CC2D1B: variants seen among roughly 807,000 people sequenced by gnomAD.
The protein encoded by CC2D1B is coiled-coil and C2 domain-containing protein 1B.
CC2D1B carries 92 observed loss-of-function variants against 110.8 expected under a neutral mutation model. The observed-to-expected ratio is 0.83, with a 90% CI of 0.70 to 0.99. CC2D1B has a LOEUF of 0.99. Among genes scored for constraint, CC2D1B ranks in the 50% least tolerant of loss-of-function variants. CC2D1B has a pLI of 0.00. For missense variants in CC2D1B, 1,136 were observed against 1,089.0 expected (o/e 1.04, Z -0.61); for synonymous variants, 406 against 429.2 (o/e 0.95, Z 0.67).
chr1:52,358,995 C>T lies in CC2D1B; in HGVS notation c.1257+32G>A, dbSNP rs777548817. On this transcript the variant is annotated intron_variant, in intron 11 of 24. Transcript: ENST00000284376. Reference sequence around the variant, plus strand: ...AGCACCCAGCCAGGGAAGAGGCCAGCACAGGCAGGGGCTGCATAGCCGCGG... The same window carrying T: ...AGCACCCAGCCAGGGAAGAGGCCAGTACAGGCAGGGGCTGCATAGCCGCGG... 12 of 1,598,938 alleles carry T rather than the reference C, an allele frequency of 7.5e-6. No individual in the cohort carries two copies. In the South Asian group the frequency reaches 1.3e-4, roughly 18 times the overall value.
chr1:52,361,428 AC>A, intron 4 of CC2D1B, 84 bp downstream of exon 4: 11 of 1,584,846 alleles, frequency 6.9e-6, no homozygotes, highest in Non-Finnish European at 6.9e-6. Context: ...ATACAGGGGC[AC>A]CCCCAGCCTC....
intron 4 of CC2D1B, 134 bp from the exon 5 acceptor site, chr1:52,361,266 A>C: frequency 7.2e-6 from 9 of 1,250,504 alleles, no homozygotes; most frequent in Non-Finnish European, 1.0e-5. Flanking sequence ...CCCTTCACCA[A>C]AACATTTCTT....
chr1:52,353,341 C>A, intron 24 of CC2D1B, 118 bp from the exon 25 acceptor site: 2 of 1,488,136 alleles, frequency 1.3e-6, no homozygotes, highest in East Asian at 2.4e-5. Context: ...TGGAAGGTTA[C>A]CTTCTCTTCC....
rs1223969950 is a variant in CC2D1B, at chr1:52,354,824, C to T, written c.2339+16G>A. On this transcript the variant is annotated intron_variant, in intron 22 of 24. Coordinates refer to ENST00000284376, the MANE Select transcript of CC2D1B (RefSeq NM_001330585.2). ...CCTCCCGGCCCGTGTGGCAGCATGACCGATAGGAGCCTCACCCTTTGTGGA... is the reference window on the plus strand; with the variant it reads ...CCTCCCGGCCCGTGTGGCAGCATGATCGATAGGAGCCTCACCCTTTGTGGA... 2 of 1,612,450 alleles carry T rather than the reference C, an allele frequency of 1.2e-6. No individual in the cohort carries two copies. Among genetic ancestry groups the T allele is most frequent in the South Asian group, 2.2e-5 (2 of 91,046 alleles).
In CC2D1B at chr1:52,355,599, G is replaced by C; in HGVS notation, c.2187+9C>G. 6.2e-7 allele frequency: 1 copy of C among 1,614,086 alleles called. No individual in the cohort carries two copies. Among genetic ancestry groups the C allele is most frequent in the South Asian group, 1.1e-5 (1 of 91,078 alleles). On this transcript the variant is annotated intron_variant, in intron 20 of 24. Coordinates refer to ENST00000284376, the MANE Select transcript of CC2D1B (RefSeq NM_001330585.2). ...GTTTCAGAGGATCCTACTTCTACCT[G>C]AACCTCACCGAGTTAGGGTAGTGAA...
At position 52,359,544 on chromosome 1, in the gene CC2D1B, T is replaced by C. The variant is rs376245571; in HGVS notation, c.943-10A>G. On this transcript the variant is annotated splice_polypyrimidine_tract_variant and intron_variant, in intron 8 of 24. Transcript: ENST00000284376. Reference sequence around the variant, plus strand: ...GGACAGCACCGAATCTCTGCAGAAGTTGGAAAAGCAGGTGTGGGTGAAAGA... The same window carrying C: ...GGACAGCACCGAATCTCTGCAGAAGCTGGAAAAGCAGGTGTGGGTGAAAGA... The C allele has an allele frequency of 8.1e-6, 13 of 1,612,824 alleles. No homozygotes were observed. Among genetic ancestry groups the C allele is most frequent in the East Asian group, 2.2e-5 (1 of 44,862 alleles).
Position 52,359,267 on chromosome 1 carries a change from T to C in CC2D1B, c.1109A>G (p.Asp370Gly), listed in dbSNP as rs1646725337. 1.2e-6 allele frequency: 2 copies of C among 1,612,588 alleles called. No homozygotes were observed. Among genetic ancestry groups the C allele is most frequent in the African/African-American group, 1.3e-5 (1 of 74,894 alleles). Residue 370 changes from aspartate (D) to glycine (G), a missense_variant, in exon 10 of 25, where the codon GAC becomes GGC. By Grantham distance (94) the Asp-to-Gly change is moderately conservative. Transcript: ENST00000284376. ...VERVQPVMAP[D>G]VPATPVAPTE... ...TGCCCTACCTGGGGTTGCTGGGACG[T>C]CAGGGGCCATCACTGGCTGCACTCG... is the stretch of plus-strand genomic sequence containing the variant.
rs1414138570 is a variant in CC2D1B, at chr1:52,353,086, T to A, written c.*139A>T. ...CAGGAAAGACCAGAGTCGTGGTCAG[T>A]AGTGCACATGCTTAACAGGTCTTTG... On this transcript the variant is annotated 3_prime_UTR_variant, in exon 25 of 25. Transcript: ENST00000284376. 1 of 811,638 alleles carries A rather than the reference T, an allele frequency of 1.2e-6. No homozygotes were observed. Among genetic ancestry groups the A allele is most frequent in the African/African-American group, 1.8e-5 (1 of 56,222 alleles). The allele number at this position is 811,638 out of a possible 1,614,324, so 50.3% of individuals were successfully genotyped here. A position where few individuals can be genotyped will look rare whatever the true frequency, so the allele number is the denominator to read the frequency against.
chr1:52,357,025 T>C lies in CC2D1B; in HGVS notation c.1854A>G (p.Gln618=). 1 of 1,568,622 alleles carries C rather than the reference T, an allele frequency of 6.4e-7. No homozygotes were observed. The highest frequency in any genetic ancestry group is 8.6e-7 in the Non-Finnish European group (1 of 1,156,122). Residue 618 remains glutamine, a synonymous_variant, in exon 16 of 25, where the codon CAA becomes CAG. Coordinates refer to ENST00000284376, the MANE Select transcript of CC2D1B (RefSeq NM_001330585.2). ...CCTCTTGTTGCTCCAGAAGCATTTT[T>C]TGCAGCTGGGCATACACCTCCTCCG... ...QKAEEVYAQL[Q]KMLLEQQEKC...
Position 52,350,777 on chromosome 1 carries a change from GCT to G in CC2D1B, c.*2446_*2447del, listed in dbSNP as rs1365094224. The G allele has an allele frequency of 6.6e-6, 1 of 152,236 alleles. No homozygotes were observed. Among genetic ancestry groups the G allele is most frequent in the African/African-American group, 2.4e-5 (1 of 41,436 alleles). The allele number at this position is 152,236 out of a possible 1,614,324, so 9.4% of individuals were successfully genotyped here. A position where few individuals can be genotyped will look rare whatever the true frequency, so the allele number is the denominator to read the frequency against. On this transcript the variant is annotated 3_prime_UTR_variant, in exon 25 of 25. Coordinates refer to ENST00000284376, the MANE Select transcript of CC2D1B (RefSeq NM_001330585.2). Reference sequence around the variant, plus strand: ...TGTGTTTGTTTTGAGACAGAGTCTTGCTCTGTCGCCCAGGCTGGAGTGCAGTG... The same window carrying G: ...TGTGTTTGTTTTGAGACAGAGTCTTGCTGTCGCCCAGGCTGGAGTGCAGTG...
intron 5 of CC2D1B, 75 bp downstream of exon 5, chr1:52,360,899 A>G (rs1569861858): frequency 6.5e-7 from 1 of 1,545,332 alleles, no homozygotes; most frequent in Non-Finnish European, 8.9e-7. Context: ...CTTGCTGTGC[A>G]GGCCAGGCCA....
At position 52,359,035 on chromosome 1, in the gene CC2D1B, T is replaced by C; in HGVS notation, c.1249A>G (p.Ile417Val). The C allele has an allele frequency of 6.2e-7, 1 of 1,606,448 alleles. No homozygotes were observed. Among genetic ancestry groups the C allele is most frequent in the Non-Finnish European group, 8.5e-7 (1 of 1,179,834 alleles). The change falls in exon 11 of 25, where the codon ATT (isoleucine) becomes GTT (valine). Residue 417 changes from isoleucine (I) to valine (V), a missense_variant. By Grantham distance (29) the Ile-to-Val change is conservative. Coordinates refer to ENST00000284376, the MANE Select transcript of CC2D1B (RefSeq NM_001330585.2). ...CATAGCCGCGGGCCCACCTTGGCAA[T>C]GCGCTCATGCATCCGAGCCTTGCGC... ...DERKARMHERIAKQYQDAIRA... is the reference protein window; with the variant it reads ...DERKARMHERVAKQYQDAIRA...
intron 13 of CC2D1B, 174 bp from the exon 14 acceptor site, chr1:52,358,072 T>C (rs1398066654): frequency 3.9e-6 from 4 of 1,031,146 alleles, no homozygotes; most frequent in Non-Finnish European, 5.5e-6. Context: ...CCTCAGAAGC[T>C]CTCACATCTA....
chr1:52,361,534 C>T lies in CC2D1B; in HGVS notation c.297G>A (p.Leu99=), dbSNP rs1162295504. The T allele has an allele frequency of 1.2e-6, 2 of 1,613,902 alleles. No individual in the cohort carries two copies. The highest frequency in any genetic ancestry group is 1.7e-6 in the Non-Finnish European group (2 of 1,179,996). Residue 99 remains leucine (L), a synonymous_variant, in exon 4 of 25, where the codon CTG becomes CTA. Transcript: ENST00000284376. ...ACACCAGCAGCTCTGCATCTTCCTCCAGCCCTTCCTCCTCCTCCTCCTCCT... is the reference window on the plus strand; with the variant it reads ...ACACCAGCAGCTCTGCATCTTCCTCTAGCCCTTCCTCCTCCTCCTCCTCCT... ...DVEEEEEEEG[L]EEDAELLTEL... is the part of the protein sequence containing the mutation.
chr1:52,353,718 C>T lies in CC2D1B; in HGVS notation c.2431-71G>A, dbSNP rs528222929. On this transcript the variant is annotated intron_variant, in intron 23 of 24. Coordinates refer to ENST00000284376, the MANE Select transcript of CC2D1B (RefSeq NM_001330585.2). Reference sequence around the variant, plus strand: ...TGGGGAGCAGGCAGGTCCCTACATTCCCAGGAAAGAAGTGAGAGGAGCTAA... The same window carrying T: ...TGGGGAGCAGGCAGGTCCCTACATTTCCAGGAAAGAAGTGAGAGGAGCTAA... 112 of 1,176,882 alleles carry T rather than the reference C, an allele frequency of 9.5e-5. No homozygotes were observed. In the African/African-American group the frequency reaches 1.3e-3, roughly 14 times the overall value. The allele number at this position is 1,176,882 out of a possible 1,614,324, so 72.9% of individuals were successfully genotyped here. A position where few individuals can be genotyped will look rare whatever the true frequency, so the allele number is the denominator to read the frequency against.
intron 23 of CC2D1B, 55 bp from the exon 24 acceptor site, chr1:52,353,702 G>A: frequency 7.4e-7 from 1 of 1,342,392 alleles, no homozygotes; most frequent in South Asian, 1.3e-5. Context: ...ATGGGGAGCA[G>A]GCAGGTCCCT....
At chr1:52,354,017 T>C in intron 23 of CC2D1B, 1 of 283,502 alleles carries the variant, frequency 3.5e-6, no homozygotes, top group Non-Finnish European at 6.8e-6. Context: ...TGTGGCAGAG[T>C]CAGCACTGGA....
In CC2D1B at chr1:52,355,805, G is replaced by C. The variant is rs148278563; in HGVS notation, c.2094C>G (p.Ile698Met). Reference sequence around the variant, plus strand: ...CTGGGAGGTTCATTCCCCGGACAATGATCAGATGCATTTCTGTGCTGTTGA... The same window carrying C: ...CTGGGAGGTTCATTCCCCGGACAATCATCAGATGCATTTCTGTGCTGTTGA... The part of the protein sequence containing the change: ...SELNSTEMHL[I>M]IVRGMNLPAP... Residue 698 changes from isoleucine to methionine, a missense_variant, in exon 19 of 25, where the codon ATC becomes ATG. Coordinates refer to ENST00000284376, the MANE Select transcript of CC2D1B (RefSeq NM_001330585.2). The C allele has an allele frequency of 2.1e-5, 34 of 1,614,010 alleles. No individual in the cohort carries two copies. The highest frequency in any genetic ancestry group is 2.8e-5 in the Non-Finnish European group (33 of 1,180,020).
intron 21 of CC2D1B, 40 bp from the exon 22 acceptor site, chr1:52,354,979 G>C: frequency 6.5e-7 from 1 of 1,528,012 alleles, no homozygotes; most frequent in Non-Finnish European, 9.1e-7. Flanking sequence ...CTTGGCTCTC[G>C]GGATTTCCTG....
Sources: gnomAD v4.1 joint callset for allele counts on GRCh38, gnomAD v4.1.1 for gene constraint, MANE v1.5 for transcripts, NCBI Gene and HGNC (gene_info 2026-07-23, HGNC 2026-07-21) for gene names.